Variants in AFF3 observed in about 807,000 individuals in gnomAD.
AFF3 encodes the protein AF4/FMR2 family member 3.
AFF3 carries 32 observed loss-of-function variants against 129.7 expected under a neutral mutation model. That is an observed-to-expected ratio of 0.25 (90% CI 0.19 to 0.33). The LOEUF (loss-of-function observed/expected upper bound fraction) is 0.33, where lower values mean the gene tolerates loss of function less well. AFF3 is among the 10% of genes least tolerant of loss of function. AFF3 has a pLI of 1.00. For synonymous variants in AFF3, 644 were observed against 635.4 expected, an observed-to-expected ratio of 1.01 and a Z score of -0.20; for missense variants, 1,373 against 1,592.0, an observed-to-expected ratio of 0.86 and a Z score of 2.34.
intron 4 of AFF3, among the ~76,000 whole-genome samples, chr2:100,077,645 G>C (rs919227870): frequency 2.0e-5 from 3 of 152,194 alleles, no homozygotes; most frequent in Non-Finnish European, 2.9e-5. Flanking sequence ...CCTCCTTCCT[G>C]ATCTAATCCA....
At chr2:100,011,040 C>G (rs531391985) in intron 4 of AFF3, among the ~76,000 whole-genome samples, 1 of 152,042 alleles carries the variant, frequency 6.6e-6, no homozygotes, top group Admixed American at 6.6e-5. Context: ...TTTGGGAGGC[C>G]GAGATGGGTG....
intron 8 of AFF3, among the ~76,000 whole-genome samples, chr2:99,817,415 ACTGTT>A (rs1687326835): frequency 6.6e-6 from 1 of 151,836 alleles, no homozygotes; most frequent in South Asian, 2.1e-4. Flanking sequence ...CATATTTCAG[ACTGTT>A]GTTTTCCATG....
In AFF3 at chr2:99,920,081, T is replaced by G. The variant is rs76905235; in HGVS notation, c.874-82557A>C. On this transcript the variant is annotated intron_variant, in intron 7 of 24. Transcript: ENST00000672756. ...GAAATTGAATTTGAAATTAAAGAAC[T>G]TCCCAAAAGAAAACTCTAGGACTAA... is the stretch of plus-strand genomic sequence containing the variant. 1.1e-3 allele frequency among the ~76,000 whole-genome samples: 160 copies of G among 152,132 alleles called. 3 individuals are homozygous for G. In the East Asian group the frequency reaches 0.027, roughly 26 times the overall value.
intron 10 of AFF3, among the ~76,000 whole-genome samples, chr2:99,740,402 T>G (rs930882317): frequency 2.0e-4 from 31 of 151,324 alleles, no homozygotes; most frequent in Non-Finnish European, 3.8e-4. Flanking sequence ...ACTTCCACAA[T>G]GGTTGAACTA....
chr2:100,100,971 T>A (rs1020488819), intron 4 of AFF3, among the ~76,000 whole-genome samples: 1 of 152,188 alleles, frequency 6.6e-6, no homozygotes, highest in African/African-American at 2.4e-5. Context: ...CAGTGTTGGG[T>A]GCTGAATGAA....
chr2:99,902,397 A>G lies in AFF3; in HGVS notation c.874-64873T>C, dbSNP rs181677268. ...CGGCTCTTCTGAACGTTTTAAATGCATAAATACACAAACACACACCGCGCA... is the reference window on the plus strand; with the variant it reads ...CGGCTCTTCTGAACGTTTTAAATGCGTAAATACACAAACACACACCGCGCA... On this transcript the variant is annotated intron_variant, in intron 7 of 24. Coordinates refer to ENST00000672756, the MANE Select transcript of AFF3 (RefSeq NM_001386135.1). Among the ~76,000 whole-genome samples, 475 of 152,272 alleles carry G rather than the reference A, an allele frequency of 3.1e-3. 2 individuals are homozygous for G. Among genetic ancestry groups the G allele is most frequent in the African/African-American group, 0.011 (448 of 41,558 alleles).
At chr2:99,737,843 T>C (rs1322451000) in intron 10 of AFF3, among the ~76,000 whole-genome samples, 1 of 151,992 alleles carries the variant, frequency 6.6e-6, no homozygotes, top group Non-Finnish European at 1.5e-5. Context: ...TTTCCATTTC[T>C]GTCTCTCTAG....
intron 11 of AFF3, among the ~76,000 whole-genome samples, chr2:99,685,287 G>A (rs546421480): frequency 6.6e-6 from 1 of 152,220 alleles, no homozygotes; most frequent in South Asian, 2.1e-4. Context: ...TATATTGAGA[G>A]TTCTAAATCC....
intron 9 of AFF3, among the ~76,000 whole-genome samples, chr2:99,749,428 G>A (rs1237177327): frequency 6.6e-5 from 10 of 152,136 alleles, no homozygotes; most frequent in Admixed American, 6.5e-5. Context: ...TGGAAAAGTC[G>A]TAATAAACTG....
At chr2:99,968,520 G>C (rs1448649806) in intron 7 of AFF3, among the ~76,000 whole-genome samples, 1 of 152,010 alleles carries the variant, frequency 6.6e-6, no homozygotes, top group Non-Finnish European at 1.5e-5. Flanking sequence ...TCTCCACTTT[G>C]GTTGACTCTA....
At chr2:100,111,126 G>A (rs1691497785) in intron 2 of AFF3, among the ~76,000 whole-genome samples, 1 of 152,168 alleles carries the variant, frequency 6.6e-6, no homozygotes, top group African/African-American at 2.4e-5. Context: ...TACCATCTTT[G>A]GACCATCCTA....
chr2:99,928,757 C>T (rs1048322939), intron 7 of AFF3, among the ~76,000 whole-genome samples: 2 of 152,164 alleles, frequency 1.3e-5, no homozygotes, highest in Non-Finnish European at 2.9e-5. Context: ...TAAGGTAACA[C>T]CATGGCTGTG....
chr2:99,876,472 C>A (rs1371527690), intron 7 of AFF3, among the ~76,000 whole-genome samples: 2 of 152,170 alleles, frequency 1.3e-5, no homozygotes, highest in East Asian at 3.9e-4. Flanking sequence ...AGATATCACA[C>A]ATCTACGATA....
intron 4 of AFF3, among the ~76,000 whole-genome samples, chr2:100,024,078 A>G (rs1683823383): frequency 6.6e-6 from 1 of 151,254 alleles, no homozygotes; most frequent in Admixed American, 6.6e-5. Context: ...TAAGAACACC[A>G]AAAATTAGCC....
At position 100,006,812 on chromosome 2, in the gene AFF3, C is replaced by A. The variant is rs774845734; in HGVS notation, c.693G>T (p.Pro231=). 2 of 1,614,064 alleles carry A rather than the reference C, an allele frequency of 1.2e-6. No individual in the cohort carries two copies. The highest frequency in any genetic ancestry group is 1.7e-6 in the Non-Finnish European group (2 of 1,180,052). Reference sequence around the variant, plus strand: ...CGTCCATTGGCCTCACATACGCGGTCGGTTTCTGCTGGACCAGGCTGGGTT... The same window carrying A: ...CGTCCATTGGCCTCACATACGCGGTAGGTTTCTGCTGGACCAGGCTGGGTT... ...ASKPSLVQQK[P]TAYVRPMDGQ... is the part of the protein sequence containing the mutation. The change falls in exon 7 of 25, where the codon CCG becomes CCT. Residue 231 remains proline, a synonymous_variant. Coordinates refer to ENST00000672756, the MANE Select transcript of AFF3 (RefSeq NM_001386135.1).
At chr2:99,654,597 C>G (rs1338655191) in intron 12 of AFF3, among the ~76,000 whole-genome samples, 1 of 152,222 alleles carries the variant, frequency 6.6e-6, no homozygotes. Context: ...CTATATTTTT[C>G]TCTTCCTAAA....
intron 2 of AFF3, among the ~76,000 whole-genome samples, chr2:100,113,439 G>C (rs1259621355): frequency 6.6e-6 from 1 of 152,160 alleles, no homozygotes; most frequent in Non-Finnish European, 1.5e-5. Flanking sequence ...TCATGAAACA[G>C]GCCATATACA....
chr2:99,830,678 G>C (rs759788688), intron 8 of AFF3, among the ~76,000 whole-genome samples: 1 of 152,158 alleles, frequency 6.6e-6, no homozygotes, highest in East Asian at 1.9e-4. Context: ...TTGAACCAAG[G>C]AGGCCGAGAT....
chr2:99,869,433 G>A (rs949182359), intron 7 of AFF3, among the ~76,000 whole-genome samples: 6 of 151,614 alleles, frequency 4.0e-5, no homozygotes, highest in African/African-American at 1.5e-4. Flanking sequence ...GGAGGGTGGG[G>A]GTGGGAAGAG....
Sources: allele counts gnomAD v4.1 joint callset (sites outside exome capture counted in the v4.1 genomes callset), GRCh38; gene constraint gnomAD v4.1.1; transcripts MANE v1.5; gene names NCBI Gene and HGNC (gene_info 2026-07-23, HGNC 2026-07-21).